CNGB1: variants seen among roughly 807,000 people sequenced by gnomAD.
CNGB1 encodes the protein cyclic nucleotide gated channel subunit beta 1.
CNGB1 carries 126 observed loss-of-function variants against 151.7 expected under a neutral mutation model. That is an observed-to-expected ratio of 0.83 (90% confidence interval 0.72 to 0.96). The LOEUF (loss-of-function observed/expected upper bound fraction) is 0.96. Ranked by LOEUF, CNGB1 falls within the 40% of genes least tolerant of loss-of-function variation. The probability of loss-of-function intolerance (pLI) is 0.00; values close to 1 mark genes in which losing one functional copy is unlikely to be tolerated. For synonymous variants in CNGB1, 623 were observed against 635.1 expected (o/e 0.98, Z 0.29); for missense variants, 1,698 against 1,627.0 (o/e 1.04, Z -0.75).
chr16:57,941,958 C>G (rs1961679792), intron 14 of CNGB1, among the ~76,000 whole-genome samples: 2 of 152,116 alleles, frequency 1.3e-5, no homozygotes, highest in South Asian at 4.1e-4. Context: ...CTCAAGCCAT[C>G]CTCCTGCTTC....
At chr16:57,937,724 C>A (rs370754093) in intron 16 of CNGB1, among the ~76,000 whole-genome samples, 2 of 152,206 alleles carry the variant, frequency 1.3e-5, no homozygotes, top group African/African-American at 4.8e-5. Context: ...CAGTCCAAAG[C>A]AGCCCTGGAG....
intron 2 of CNGB1, among the ~76,000 whole-genome samples, chr16:57,964,888 T>C (rs1247977174): frequency 1.3e-5 from 2 of 152,162 alleles, no homozygotes; most frequent in Admixed American, 6.5e-5. Flanking sequence ...GCCTTGGGGC[T>C]GGCTGAGGGG....
rs1961002471 is a variant in CNGB1, at chr16:57,920,518, G to T, written c.1670C>A (p.Ala557Asp). 3 of 1,613,638 alleles carry T rather than the reference G, an allele frequency of 1.9e-6. No individual in the cohort carries two copies. The highest frequency in any genetic ancestry group is 2.5e-6 in the Non-Finnish European group (3 of 1,180,036). The part of the protein sequence containing the change: ...TDGQDRAAST[A>D]STNSAIINDR... Reference sequence around the variant, plus strand: ...GTTGATGATGGCGCTATTTGTGCTGGCCGTGGAGGCCGCACGGTCCTGGCC... The same window carrying T: ...GTTGATGATGGCGCTATTTGTGCTGTCCGTGGAGGCCGCACGGTCCTGGCC... The change falls in exon 19 of 33, where the codon GCC (alanine) becomes GAC (aspartate). Residue 557 changes from alanine to aspartate, a missense_variant. Ala to Asp is a moderately radical substitution (Grantham distance 126). Coordinates refer to ENST00000251102, the MANE Select transcript of CNGB1 (RefSeq NM_001297.5).
At chr16:57,923,918 T>C (rs1399047190) in intron 17 of CNGB1, among the ~76,000 whole-genome samples, 2 of 152,050 alleles carry the variant, frequency 1.3e-5, no homozygotes, top group Non-Finnish European at 2.9e-5. Context: ...TCCCATCCCC[T>C]CCTGAGCCCC....
intron 16 of CNGB1, among the ~76,000 whole-genome samples, chr16:57,936,242 T>C (rs1961504600): frequency 6.6e-6 from 1 of 152,172 alleles, no homozygotes; most frequent in East Asian, 1.9e-4. Flanking sequence ...TATCTGCACC[T>C]GGAGCTTCTT....
At chr16:57,892,072 CAAA>C (rs34104252) in intron 31 of CNGB1, among the ~76,000 whole-genome samples, 54 of 96,290 alleles carry the variant, frequency 5.6e-4, no homozygotes, top group Middle Eastern at 0.013. Flanking sequence ...CACAAAAATG[CAAA>C]AAAAAAAAAA....
At chr16:57,949,858 C>A (rs1009099401) in intron 13 of CNGB1, among the ~76,000 whole-genome samples, 5 of 152,226 alleles carry the variant, frequency 3.3e-5, no homozygotes, top group African/African-American at 1.2e-4. Flanking sequence ...AATGACCCAG[C>A]AATTCCCCTC....
rs1241546157 is a variant in CNGB1 at position 57,897,515 on chromosome 16, G to A, written c.3124C>T (p.Arg1042Cys). ...SLLAVGGGNR[R>C]TANVVAHGFT... is the part of the protein sequence containing the mutation. Reference sequence around the variant, plus strand: ...CCGTGCGCCACCACGTTGGCCGTGCGCCGGTTCCCGCCCCCAACAGCCAGC... The same window carrying A: ...CCGTGCGCCACCACGTTGGCCGTGCACCGGTTCCCGCCCCCAACAGCCAGC... Residue 1042 changes from arginine to cysteine, a missense_variant, in exon 31 of 33, where the codon CGC (arginine) becomes TGC (cysteine). Transcript: ENST00000251102. 5.6e-6 allele frequency: 9 copies of A among 1,613,998 alleles called. 1 individual carries two copies. The highest frequency in any genetic ancestry group is 4.4e-5 in the South Asian group (4 of 91,080).
At position 57,882,516 on chromosome 16, in the gene CNGB1, T is replaced by C. The variant is rs1031437004; in HGVS notation, c.*1648A>G. The stretch of plus-strand genomic sequence containing the variant: ...CATTTTTCCACAGTGGAAATGAATG[T>C]TGTTTTTAGTGGATGGACAAATACA... On this transcript the variant is annotated 3_prime_UTR_variant, in exon 33 of 33. Transcript: ENST00000251102. The C allele has an allele frequency of 5.3e-5, 8 of 152,154 alleles. No homozygotes were observed. Among genetic ancestry groups the C allele is most frequent in the Admixed American group, 5.2e-4 (8 of 15,264 alleles). 9.4% of individuals were successfully genotyped at this position (152,154 alleles called of 1,614,324 possible). A position where few individuals can be genotyped will look rare whatever the true frequency, so the allele number is the denominator to read the frequency against.
chr16:57,946,056 A>C (rs1158016911), intron 14 of CNGB1, among the ~76,000 whole-genome samples: 1 of 152,148 alleles, frequency 6.6e-6, no homozygotes, highest in Admixed American at 6.5e-5. Context: ...GTGCCTGCCA[A>C]GGCCCCCTCT....
chr16:57,954,262 G>A (rs1597008300), intron 12 of CNGB1, among the ~76,000 whole-genome samples: 2 of 152,062 alleles, frequency 1.3e-5, no homozygotes, highest in East Asian at 3.9e-4. Flanking sequence ...GAGACCTCAG[G>A]GATCTCAAAT....
Position 57,884,101 on chromosome 16 carries a change from G to C in CNGB1, c.*63C>G. 1.2e-6 allele frequency: 2 copies of C among 1,608,846 alleles called. No homozygotes were observed. The highest frequency in any genetic ancestry group is 1.7e-6 in the Non-Finnish European group (2 of 1,175,630). On this transcript the variant is annotated 3_prime_UTR_variant, in exon 33 of 33. Coordinates refer to ENST00000251102, the MANE Select transcript of CNGB1 (RefSeq NM_001297.5). The stretch of plus-strand genomic sequence containing the variant: ...GGGAAGGTGGGGCGCTGGGGCGCAG[G>C]GGCGCAGCGGGCGCTGGGGACACAC...
intron 21 of CNGB1, 134 bp from the exon 22 acceptor site, chr16:57,916,313 T>A: frequency 1.1e-6 from 1 of 881,498 alleles, no homozygotes; most frequent in South Asian, 1.4e-5. Flanking sequence ...TGAGCCTTGG[T>A]GAAAGCCTTG....
chr16:57,960,248 G>A (rs1962209674), intron 9 of CNGB1, among the ~76,000 whole-genome samples, 183 bp from the exon 10 acceptor site: 1 of 152,192 alleles, frequency 6.6e-6, no homozygotes, highest in East Asian at 1.9e-4. Flanking sequence ...CCCAGGGAGG[G>A]GAAGAGACTT....
chr16:57,900,744 G>A (rs1960362056), intron 29 of CNGB1, among the ~76,000 whole-genome samples: 1 of 152,108 alleles, frequency 6.6e-6, no homozygotes, highest in South Asian at 2.1e-4. Flanking sequence ...TTGCCATTTG[G>A]GAAAGTGGAC....
intron 22 of CNGB1, among the ~76,000 whole-genome samples, chr16:57,915,679 A>C (rs1308571263): frequency 6.6e-6 from 1 of 152,154 alleles, no homozygotes; most frequent in Non-Finnish European, 1.5e-5. Context: ...CAGGCAGATC[A>C]CTTGATGTCA....
chr16:57,947,162 A>ATG (rs58618925), intron 14 of CNGB1, among the ~76,000 whole-genome samples: 4,419 of 152,184 alleles, frequency 0.029, 194 homozygotes, highest in African/African-American at 0.1. Flanking sequence ...TAGTGCAGAT[A>ATG]TGTGTGTGTG....
intron 19 of CNGB1, among the ~76,000 whole-genome samples, chr16:57,919,827 T>C (rs759938239): frequency 3.9e-5 from 6 of 152,164 alleles, no homozygotes; most frequent in Non-Finnish European, 8.8e-5. Context: ...GTTTTCCAGC[T>C]TCAAGACTGG....
At chr16:57,925,179 T>G (rs1961151097) in intron 17 of CNGB1, among the ~76,000 whole-genome samples, 1 of 151,940 alleles carries the variant, frequency 6.6e-6, no homozygotes, top group Admixed American at 6.6e-5. Context: ...TTTTTTTTTT[T>G]TTTAGTAGAG....
Sources: gnomAD v4.1 joint callset for allele counts (sites outside exome capture counted in the v4.1 genomes callset) on GRCh38, gnomAD v4.1.1 for gene constraint, MANE v1.5 for transcripts, NCBI Gene and HGNC (gene_info 2026-07-23, HGNC 2026-07-21) for gene names.